CNKSR2: variants seen among roughly 807,000 people sequenced by gnomAD.
The protein encoded by CNKSR2 is connector enhancer of kinase suppressor of Ras 2, also known as CNK homolog protein 2.
In CNKSR2, 14 loss-of-function variants were observed where a neutral mutation model predicts 84.4. That is an observed-to-expected ratio of 0.17 (90% CI 0.11 to 0.26). CNKSR2 has a LOEUF of 0.26. CNKSR2 is among the 10% of genes least tolerant of loss of function. The probability of loss-of-function intolerance (pLI) is 1.00; values close to 1 mark genes in which losing one functional copy is unlikely to be tolerated. For synonymous variants in CNKSR2, 275 were observed against 277.9 expected, an observed-to-expected ratio of 0.99 and a Z score of 0.10; for missense variants, 485 against 771.2, an observed-to-expected ratio of 0.63 and a Z score of 4.40.
intron 4 of CNKSR2, among the ~76,000 whole-genome samples, chrX:21,467,004 A>G (rs2091136702): frequency 8.9e-6 from 1 of 112,021 alleles, no homozygotes; most frequent in South Asian, 3.7e-4. Context: ...ACTGTTCCAC[A>G]TAAAGAAAGA....
intron 9 of CNKSR2, among the ~76,000 whole-genome samples, chrX:21,526,599 T>G (rs1170270990): frequency 9.0e-6 from 1 of 111,239 alleles, no homozygotes; most frequent in Non-Finnish European, 1.9e-5. Context: ...TATTTTTGCT[T>G]TATAAATAGT....
intron 3 of CNKSR2, among the ~76,000 whole-genome samples, chrX:21,435,647 C>T (rs1601786402): frequency 8.9e-6 from 1 of 111,814 alleles, no homozygotes; most frequent in African/African-American, 3.2e-5. Context: ...CTGTTTTTAA[C>T]CTACATCCTA....
chrX:21,428,327 A>T (rs2090591554), intron 2 of CNKSR2: 1 of 112,219 alleles, frequency 8.9e-6, no homozygotes, highest in South Asian at 3.7e-4. Flanking sequence ...ACATAGAAAA[A>T]TTAGCAGATT....
chrX:21,429,273 C>G (rs2090604500), intron 2 of CNKSR2: 1 of 111,864 alleles, frequency 8.9e-6, no homozygotes, highest in Admixed American at 9.5e-5. Context: ...ACATATATGA[C>G]AAACACAGCA....
At chrX:21,484,133 T>C (rs1276824160) in intron 5 of CNKSR2, among the ~76,000 whole-genome samples, 1 of 110,509 alleles carries the variant, frequency 9.0e-6, no homozygotes, top group Admixed American at 9.7e-5. Flanking sequence ...CTACTAAAAA[T>C]ACAAAAAATT....
intron 9 of CNKSR2, among the ~76,000 whole-genome samples, chrX:21,523,081 T>C (rs2091800976): frequency 9.0e-6 from 1 of 110,904 alleles, no homozygotes; most frequent in Non-Finnish European, 1.9e-5. Flanking sequence ...CCCCCAGAAA[T>C]CTATCATAGA....
chrX:21,537,087 C>T (rs2091935584), intron 11 of CNKSR2, among the ~76,000 whole-genome samples: 1 of 110,214 alleles, frequency 9.1e-6, no homozygotes, highest in Non-Finnish European at 1.9e-5. Context: ...TTTTAATTTG[C>T]TTAAATTTTT....
chrX:21,394,418 A>G (rs1028954451), intron 1 of CNKSR2, among the ~76,000 whole-genome samples: 5 of 112,032 alleles, frequency 4.5e-5, no homozygotes, highest in African/African-American at 9.7e-5. Flanking sequence ...AACTTCTGTC[A>G]TGTAGCCACT....
intron 11 of CNKSR2, among the ~76,000 whole-genome samples, chrX:21,550,456 G>T (rs113094100): frequency 3.1e-4 from 35 of 112,216 alleles, no homozygotes; most frequent in African/African-American, 1.1e-3. Flanking sequence ...GGAACACTTT[G>T]ACACTGTTGG....
chrX:21,526,822 T>A, intron 9 of CNKSR2, 45 bp from the exon 10 acceptor site: 1 of 1,040,312 alleles, frequency 9.6e-7, no homozygotes, highest in Non-Finnish European at 1.3e-6. Flanking sequence ...TGTTGTTTTG[T>A]GTGTTGTTTG....
At chrX:21,627,221 G>A (rs191278744) in intron 20 of CNKSR2, among the ~76,000 whole-genome samples, 280 of 110,960 alleles carry the variant, frequency 2.5e-3, no homozygotes, top group Middle Eastern at 9.3e-3. Flanking sequence ...GGCCGGGCGC[G>A]GTGGCTCACA....
rs752124184 is a variant in CNKSR2 at position 21,537,793 on chromosome X, T to G, written c.1303+5726T>G. 3 of 109,531 alleles carry G rather than the reference T, an allele frequency of 2.7e-5. No homozygotes were observed. The East Asian group carries it at 8.6e-4, about 31-fold the overall frequency. 9.0% of individuals were successfully genotyped at this position (109,531 alleles called of 1,213,427 possible). The stretch of plus-strand genomic sequence containing the variant: ...AGTATAGAGTTGGGTCTTGTTTTTT[T>G]TTTTTTTTTCTTTAATCCACTCAGC... On this transcript the variant is annotated intron_variant, in intron 11 of 21. Transcript: ENST00000379510.
At chrX:21,601,454 T>C (rs1289588264) in intron 18 of CNKSR2, 105 bp downstream of exon 18, 5 of 523,461 alleles carry the variant, frequency 9.6e-6, no homozygotes, top group African/African-American at 2.4e-5. Context: ...ATGTCAATTT[T>C]TGGTTATTTC....
chrX:21,444,038 C>G (rs1348117494), intron 4 of CNKSR2, among the ~76,000 whole-genome samples: 1 of 111,016 alleles, frequency 9.0e-6, no homozygotes, highest in East Asian at 2.8e-4. Context: ...TATTCCTGCT[C>G]AAATGTAATA....
intron 4 of CNKSR2, chrX:21,441,356 C>T (rs1037340857): frequency 9.1e-6 from 1 of 110,319 alleles, no homozygotes; most frequent in Admixed American, 9.7e-5. Flanking sequence ...CTCTTGCTAC[C>T]AGTAGTAGCA....
intron 1 of CNKSR2, among the ~76,000 whole-genome samples, chrX:21,401,563 A>G (rs1255907904): frequency 1.8e-5 from 2 of 111,921 alleles, no homozygotes. Context: ...GTATGTGTAT[A>G]CATGTGCACC....
chrX:21,603,691 G>A (rs2092497858), intron 18 of CNKSR2, among the ~76,000 whole-genome samples: 1 of 112,413 alleles, frequency 8.9e-6, no homozygotes, highest in Admixed American at 9.4e-5. Flanking sequence ...ATAGCAATTT[G>A]GCTAATTGTC....
chrX:21,615,123 C>CT (rs2092570722), intron 20 of CNKSR2, among the ~76,000 whole-genome samples: 1 of 112,108 alleles, frequency 8.9e-6, no homozygotes, highest in Admixed American at 9.5e-5. Context: ...CTTATCATTA[C>CT]TTTCTGCATG....
At chrX:21,569,556 A>G (rs2092268069) in intron 13 of CNKSR2, among the ~76,000 whole-genome samples, 1 of 111,418 alleles carries the variant, frequency 9.0e-6, no homozygotes, top group Non-Finnish European at 1.9e-5. Flanking sequence ...GTTGGATTCA[A>G]TTTCTTCTAA....
Sources: allele counts gnomAD v4.1 joint callset (sites outside exome capture counted in the v4.1 genomes callset), GRCh38; gene constraint gnomAD v4.1.1; transcripts MANE v1.5; gene names NCBI Gene and HGNC (gene_info 2026-07-23, HGNC 2026-07-21).